TFCP2L1: variants seen among roughly 807,000 people sequenced by gnomAD.
TFCP2L1 encodes the protein transcription factor CP2 like 1.
Under a neutral mutation model 72.2 loss-of-function variants are expected in TFCP2L1, and 12 were observed. The observed-to-expected ratio is 0.17, with a 90% CI of 0.11 to 0.27. TFCP2L1 has a LOEUF of 0.27. Ranked by LOEUF, TFCP2L1 falls within the 10% of genes least tolerant of loss-of-function variation. The pLI, the probability that TFCP2L1 is intolerant of heterozygous loss-of-function variation, is 1.00. For missense variants in TFCP2L1, 488 were observed against 624.6 expected (o/e 0.78, Z 2.33); for synonymous variants, 260 against 251.0 (o/e 1.04, Z -0.34).
chr2:121,280,587 C>T (rs536651315), intron 2 of TFCP2L1, among the ~76,000 whole-genome samples: 1 of 152,026 alleles, frequency 6.6e-6, no homozygotes, highest in African/African-American at 2.4e-5. Context: ...GTGAGACCCC[C>T]CCAGCTCTAC....
chr2:121,245,667 C>T (rs565687054), intron 6 of TFCP2L1, among the ~76,000 whole-genome samples: 1 of 152,326 alleles, frequency 6.6e-6, no homozygotes, highest in African/African-American at 2.4e-5. Flanking sequence ...AGCTCATCCT[C>T]GGCTTCCTCT....
chr2:121,272,815 C>T (rs551509471), intron 2 of TFCP2L1, among the ~76,000 whole-genome samples: 5 of 152,234 alleles, frequency 3.3e-5, no homozygotes, highest in African/African-American at 9.6e-5. Context: ...AGTTTACTTC[C>T]CCCATCTCAC....
chr2:121,283,241 G>C (rs1028502162), intron 1 of TFCP2L1, among the ~76,000 whole-genome samples: 1 of 152,154 alleles, frequency 6.6e-6, no homozygotes, highest in Non-Finnish European at 1.5e-5. Flanking sequence ...AAGGGGGAAG[G>C]GAGTAAAGGC....
chr2:121,233,192 ACTTTT>A (rs939581279), intron 12 of TFCP2L1, among the ~76,000 whole-genome samples: 1 of 151,828 alleles, frequency 6.6e-6, no homozygotes, highest in African/African-American at 2.4e-5. Context: ...GGGGGTGTGC[ACTTTT>A]CTTTTTTTTT....
At position 121,221,227 on chromosome 2, in the gene TFCP2L1, T is replaced by TG. The variant is rs1471590619; in HGVS notation, c.*3113dup. 6.6e-6 allele frequency: 1 copy of TG among 152,152 alleles called. No homozygotes were observed. Among genetic ancestry groups the TG allele is most frequent in the African/African-American group, 2.4e-5 (1 of 41,430 alleles). The allele number at this position is 152,152 out of a possible 1,614,324, so 9.4% of individuals were successfully genotyped here. On this transcript the variant is annotated 3_prime_UTR_variant, in exon 15 of 15. Transcript: ENST00000263707. ...CTCATGACTCATAACAGGAAATCAT[T>TG]GGTCTCAACCTTCCTCCAAGGACTA...
At chr2:121,270,048 A>C (rs1307945603) in intron 2 of TFCP2L1, among the ~76,000 whole-genome samples, 2 of 152,020 alleles carry the variant, frequency 1.3e-5, no homozygotes, top group African/African-American at 4.8e-5. Context: ...ACAAATAAAT[A>C]AGGATGAAAA....
intron 2 of TFCP2L1, among the ~76,000 whole-genome samples, chr2:121,267,785 A>C (rs113727269): frequency 0.035 from 5,314 of 152,252 alleles, 150 homozygotes; most frequent in East Asian, 0.14. Context: ...AATGAGCCAC[A>C]ACGCCCAGCC....
intron 2 of TFCP2L1, among the ~76,000 whole-genome samples, chr2:121,253,768 G>C (rs777815256): frequency 3.6e-4 from 55 of 152,190 alleles, no homozygotes; most frequent in Non-Finnish European, 6.3e-4. Context: ...CTGGGCCAGG[G>C]ATCACGGCTG....
At chr2:121,255,133 T>C (rs145341099) in intron 2 of TFCP2L1, among the ~76,000 whole-genome samples, 10 of 152,324 alleles carry the variant, frequency 6.6e-5, no homozygotes, top group East Asian at 5.8e-4. Flanking sequence ...GGGTGTCACG[T>C]GCTGGGCACA....
At chr2:121,259,335 G>A (rs1244904267) in intron 2 of TFCP2L1, among the ~76,000 whole-genome samples, 4 of 151,512 alleles carry the variant, frequency 2.6e-5, no homozygotes, top group African/African-American at 2.4e-5. Flanking sequence ...AATATTCAGC[G>A]AGGAAAAAAT....
At chr2:121,249,992 G>A (rs540757749) in intron 2 of TFCP2L1, among the ~76,000 whole-genome samples, 4 of 152,240 alleles carry the variant, frequency 2.6e-5, no homozygotes, top group East Asian at 3.9e-4. Context: ...CCAATACAAC[G>A]GGATGGAGAA....
At position 121,277,851 on chromosome 2, in the gene TFCP2L1, T is replaced by C. The variant is rs180919637; in HGVS notation, c.214+3269A>G. On this transcript the variant is annotated intron_variant, in intron 2 of 14. Transcript: ENST00000263707. The stretch of plus-strand genomic sequence containing the variant: ...TAGAAATAAGGTTAGCAGTGGTTTC[T>C]GGTGAAATCGGAGGGGATTTTAATT... Among the ~76,000 whole-genome samples the C allele has an allele frequency of 2.0e-4, 30 of 152,356 alleles. No individual in the cohort carries two copies. The East Asian group carries it at 5.6e-3, about 28-fold the overall frequency.
In TFCP2L1 at chr2:121,224,547, C is replaced by T. The variant is rs113860442; in HGVS notation, c.1394-160G>A. On this transcript the variant is annotated intron_variant, in intron 14 of 14. Transcript: ENST00000263707. Reference sequence around the variant, plus strand: ...TGGCAGAAGCAGGGATCTCACATGCCCTGACATCTGCCTCGTTTAGTGTCT... The same window carrying T: ...TGGCAGAAGCAGGGATCTCACATGCTCTGACATCTGCCTCGTTTAGTGTCT... Among the ~76,000 whole-genome samples, 689 of 152,318 alleles carry T rather than the reference C, an allele frequency of 4.5e-3. 8 individuals carry two copies. The highest frequency in any genetic ancestry group is 0.015 in the African/African-American group (619 of 41,568).
intron 1 of TFCP2L1, 102 bp from the exon 2 acceptor site, chr2:121,281,373 G>A: frequency 7.4e-7 from 1 of 1,353,414 alleles, no homozygotes; most frequent in Non-Finnish European, 1.0e-6. Flanking sequence ...CGGGGCCCAG[G>A]GTGACACGGC....
At chr2:121,269,986 G>A (rs1395883731) in intron 2 of TFCP2L1, among the ~76,000 whole-genome samples, 2 of 150,414 alleles carry the variant, frequency 1.3e-5, no homozygotes, top group African/African-American at 2.4e-5. Flanking sequence ...TGAAAAAGTG[G>A]GAAAATATTT....
At chr2:121,277,932 A>G (rs1687178293) in intron 2 of TFCP2L1, among the ~76,000 whole-genome samples, 1 of 152,192 alleles carries the variant, frequency 6.6e-6, no homozygotes. Context: ...TCTATAAAGT[A>G]GATTATTTTA....
chr2:121,266,873 A>T (rs1463489975), intron 2 of TFCP2L1, among the ~76,000 whole-genome samples: 1 of 150,138 alleles, frequency 6.7e-6, no homozygotes, highest in Non-Finnish European at 1.5e-5. Context: ...TAATATAATT[A>T]TTTTTTTCAT....
intron 13 of TFCP2L1, among the ~76,000 whole-genome samples, chr2:121,230,562 C>T (rs1686120607): frequency 6.6e-6 from 1 of 152,194 alleles, no homozygotes; most frequent in African/African-American, 2.4e-5. Flanking sequence ...GGGTGGATCA[C>T]TTGAGCCCAG....
intron 7 of TFCP2L1, 104 bp from the exon 8 acceptor site, chr2:121,239,753 C>A: frequency 8.7e-7 from 1 of 1,150,298 alleles, no homozygotes; most frequent in East Asian, 2.5e-5. Flanking sequence ...CATGAGACCC[C>A]CACCTGTGAA....
Sources: gnomAD v4.1 joint callset for allele counts (sites outside exome capture counted in the v4.1 genomes callset) on GRCh38, gnomAD v4.1.1 for gene constraint, MANE v1.5 for transcripts, NCBI Gene and HGNC (gene_info 2026-07-23, HGNC 2026-07-21) for gene names.